The following ABHD2 variants were observed in gnomAD, a reference collection of about 807,000 sequenced individuals.
ABHD2 encodes the protein abhydrolase domain containing 2, acylglycerol lipase.
In ABHD2, 20 loss-of-function variants were observed where a neutral mutation model predicts 48.1. The observed-to-expected ratio is 0.42, with a 90% CI of 0.29 to 0.60. The LOEUF (loss-of-function observed/expected upper bound fraction) is 0.60. ABHD2 is among the 20% of genes least tolerant of loss of function. The pLI is 0.24. For missense variants in ABHD2, 405 were observed against 550.9 expected (o/e 0.74, Z 2.65); for synonymous variants, 209 against 214.2 (o/e 0.98, Z 0.21).
rs1317797494 is a variant in ABHD2, at chr15:89,116,119, CTGTT to C, written c.-6-199_-6-196del. Among the ~76,000 whole-genome samples the C allele has an allele frequency of 1.3e-5, 2 of 152,200 alleles. No individual in the cohort carries two copies. The highest frequency in any genetic ancestry group is 3.8e-4 in the East Asian group (2 of 5,200). ...AGTACCCAGTTTATCCATGCTCAGA[CTGTT>C]TGTGATTTGGATTATGGCCAGTTGA... On this transcript the variant is annotated intron_variant, in intron 2 of 10. Coordinates refer to ENST00000352732, the MANE Select transcript of ABHD2 (RefSeq NM_152924.5). This position sits in a 1 kb window ranked among gnomAD's most constrained non-coding sequence, Gnocchi z 4.6.
intron 4 of ABHD2, among the ~76,000 whole-genome samples, chr15:89,154,827 G>A (rs2050645206): frequency 6.6e-6 from 1 of 152,300 alleles, no homozygotes; most frequent in Admixed American, 6.5e-5. Flanking sequence ...AAAAGAATAT[G>A]TATTGCATGA....
chr15:89,194,023 C>T (rs568526977), intron 10 of ABHD2, among the ~76,000 whole-genome samples: 70 of 151,720 alleles, frequency 4.6e-4, no homozygotes, highest in Non-Finnish European at 8.5e-4. Flanking sequence ...TCCAGAAGTT[C>T]GAGGCTGCAG....
chr15:89,179,023 A>T lies in ABHD2; in HGVS notation c.722+3028A>T, dbSNP rs1219636880. On this transcript the variant is annotated intron_variant, in intron 6 of 10. Transcript: ENST00000352732. The surrounding 1 kb of genome is among the most constrained non-coding windows in gnomAD (Gnocchi z 4.3). Reference sequence around the variant, plus strand: ...AAGATAGTCTGTATCTGAGGACCTCACAGCACTTAAGACAGCAGAGTGATA... The same window carrying T: ...AAGATAGTCTGTATCTGAGGACCTCTCAGCACTTAAGACAGCAGAGTGATA... Among the ~76,000 whole-genome samples the T allele has an allele frequency of 6.6e-6, 1 of 152,262 alleles. No individual in the cohort carries two copies. Among genetic ancestry groups the T allele is most frequent in the Non-Finnish European group, 1.5e-5 (1 of 68,054 alleles).
intron 5 of ABHD2, among the ~76,000 whole-genome samples, chr15:89,162,528 T>G (rs2050777939): frequency 1.3e-5 from 2 of 152,082 alleles, no homozygotes; most frequent in Non-Finnish European, 2.9e-5. Flanking sequence ...GTATGGAAAT[T>G]CCAGGCACTG....
chr15:89,179,539 A>G lies in ABHD2; in HGVS notation c.722+3544A>G, dbSNP rs1157202805. 6.6e-6 allele frequency among the ~76,000 whole-genome samples: 1 copy of G among 152,192 alleles called. No individual in the cohort carries two copies. Among genetic ancestry groups the G allele is most frequent in the Non-Finnish European group, 1.5e-5 (1 of 68,036 alleles). On this transcript the variant is annotated intron_variant, in intron 6 of 10. Coordinates refer to ENST00000352732, the MANE Select transcript of ABHD2 (RefSeq NM_152924.5). The surrounding 1 kb of genome is among the most constrained non-coding windows in gnomAD (Gnocchi z 4.3). ...CAGATGGGACTGTCTAGTTGCAGGA[A>G]AATAAGCTCAGGGATCTCACTGATT...
the ABHD2 span, among the ~76,000 whole-genome samples, chr15:89,042,589 TATTTATTTA>T: frequency 2.2e-3 from 52 of 23,484 alleles, no homozygotes; most frequent in African/African-American, 8.7e-3. Flanking sequence ...CTTTCTTTCT[TATTTATTTA>T]TTTATTTATT....
intron 1 of ABHD2, among the ~76,000 whole-genome samples, chr15:89,110,874 A>G (rs1347992855): frequency 1.3e-5 from 2 of 152,230 alleles, no homozygotes; most frequent in Non-Finnish European, 1.5e-5. Context: ...GTGGGAGGAC[A>G]TTGTCTGTCA....
intron 1 of ABHD2, among the ~76,000 whole-genome samples, chr15:89,098,630 T>C (rs2049652232): frequency 6.6e-6 from 1 of 152,222 alleles, no homozygotes; most frequent in African/African-American, 2.4e-5. Context: ...ATAAAGTGCT[T>C]GCTCATTCTT....
At chr15:89,089,521 C>A (rs1901507483) in intron 1 of ABHD2, among the ~76,000 whole-genome samples, 1 of 152,206 alleles carries the variant, frequency 6.6e-6, no homozygotes, top group Non-Finnish European at 1.5e-5. Flanking sequence ...CTTAATCTTC[C>A]CAATCTCTCT....
chr15:89,190,877 C>T (rs1047871397), intron 8 of ABHD2, among the ~76,000 whole-genome samples: 2 of 152,166 alleles, frequency 1.3e-5, no homozygotes, highest in Non-Finnish European at 2.9e-5. Flanking sequence ...TACCTGCATA[C>T]ATTTCATTGA....
Position 89,146,321 on chromosome 15 carries a change from G to A in ABHD2, c.195-5356G>A, listed in dbSNP as rs896826807. ...TCTCTTTTTAAAACACCAGCTGTCC[G>A]TGCCTATGTGAGCTTCATCTGCTCA... On this transcript the variant is annotated intron_variant, in intron 3 of 10. Transcript: ENST00000352732. This position sits in a 1 kb window ranked among gnomAD's most constrained non-coding sequence, Gnocchi z 4.2. Among the ~76,000 whole-genome samples the A allele has an allele frequency of 7.3e-5, 11 of 150,676 alleles. No individual in the cohort carries two copies. Among genetic ancestry groups the A allele is most frequent in the South Asian group, 2.1e-4 (1 of 4,762 alleles).
chr15:89,056,763 C>T, the ABHD2 span, among the ~76,000 whole-genome samples: 1 of 152,196 alleles, frequency 6.6e-6, no homozygotes, highest in Non-Finnish European at 1.5e-5. Context: ...GTGAGTCATT[C>T]ACCTCACTGG....
chr15:89,110,875 TTGTC>T (rs1203112701), intron 1 of ABHD2, among the ~76,000 whole-genome samples: 3 of 152,226 alleles, frequency 2.0e-5, no homozygotes, highest in East Asian at 1.9e-4. Flanking sequence ...TGGGAGGACA[TTGTC>T]TGTCACATCA....
Position 89,175,711 on chromosome 15 carries a change from C to T in ABHD2, c.539-101C>T. ...TATATACACATATATATTTCTCTCT[C>T]TTTTAGTATACTGGCACCCATTTAG... On this transcript the variant is annotated intron_variant, in intron 5 of 10. Coordinates refer to ENST00000352732, the MANE Select transcript of ABHD2 (RefSeq NM_152924.5). This position sits in a 1 kb window ranked among gnomAD's most constrained non-coding sequence, Gnocchi z 5.7. The T allele has an allele frequency of 7.9e-7, 1 of 1,262,320 alleles. No individual in the cohort carries two copies. The highest frequency in any genetic ancestry group is 2.3e-5 in the East Asian group (1 of 43,074). The allele number at this position is 1,262,320 out of a possible 1,614,324, so 78.2% of individuals were successfully genotyped here.
Position 89,101,929 on chromosome 15 carries a change from A to G in ABHD2, c.-106-11796A>G, listed in dbSNP as rs537564532. Among the ~76,000 whole-genome samples, 438 of 152,218 alleles carry G rather than the reference A, an allele frequency of 2.9e-3. 3 individuals carry two copies. The highest frequency in any genetic ancestry group is 0.01 in the African/African-American group (420 of 41,542). On this transcript the variant is annotated intron_variant, in intron 1 of 10. Coordinates refer to ENST00000352732, the MANE Select transcript of ABHD2 (RefSeq NM_152924.5). ...CAAGTAAATGCTTCTCACACCTATGACCTCACTTCAGCCCCTCATATGAAC... is the reference window on the plus strand; with the variant it reads ...CAAGTAAATGCTTCTCACACCTATGGCCTCACTTCAGCCCCTCATATGAAC...
At chr15:89,170,515 C>G (rs1373693974) in intron 5 of ABHD2, among the ~76,000 whole-genome samples, 1 of 152,142 alleles carries the variant, frequency 6.6e-6, no homozygotes, top group Non-Finnish European at 1.5e-5. Context: ...AGTGAACATT[C>G]TTGCATGTAC....
chr15:89,078,068 C>T, the ABHD2 span, among the ~76,000 whole-genome samples: 1 of 152,180 alleles, frequency 6.6e-6, no homozygotes, highest in South Asian at 2.1e-4. Flanking sequence ...ATTAGAACCA[C>T]CTTGGGATCA....
In ABHD2 at chr15:89,195,454, C is replaced by G; in HGVS notation, c.*31C>G. 1 of 1,602,306 alleles carries G rather than the reference C, an allele frequency of 6.2e-7. No homozygotes were observed. The highest frequency in any genetic ancestry group is 1.1e-5 in the South Asian group (1 of 90,086). On this transcript the variant is annotated 3_prime_UTR_variant, in exon 11 of 11. Transcript: ENST00000352732. This position sits in a 1 kb window ranked among gnomAD's most constrained non-coding sequence, Gnocchi z 5.1. ...CCGGACTCTGGCACGCTCCAGCAGCCCTCCTCTGGAAGCTGCGTCCCCTCA... is the reference window on the plus strand; with the variant it reads ...CCGGACTCTGGCACGCTCCAGCAGCGCTCCTCTGGAAGCTGCGTCCCCTCA...
chr15:89,052,488 C>T, the ABHD2 span, among the ~76,000 whole-genome samples: 4 of 151,690 alleles, frequency 2.6e-5, no homozygotes, highest in Non-Finnish European at 5.9e-5. Flanking sequence ...AATATGACTG[C>T]TGTCTTTATT....
Sources: gnomAD v4.1 joint callset for allele counts (sites outside exome capture counted in the v4.1 genomes callset) on GRCh38, gnomAD v4.1.1 for gene constraint, Gnocchi (gnomAD v3.1) non-coding constraint, MANE v1.5 for transcripts, NCBI Gene and HGNC (gene_info 2026-07-23, HGNC 2026-07-21) for gene names.